The following SUPT16H variants were observed in gnomAD, a reference collection of about 807,000 sequenced individuals.
The protein encoded by SUPT16H is FACT complex subunit SPT16.
A neutral mutation model predicts 136.2 loss-of-function variants in SUPT16H; 24 were observed. That is an observed-to-expected ratio of 0.18 (90% confidence interval 0.13 to 0.25). SUPT16H has a LOEUF of 0.25. Among genes scored for constraint, SUPT16H ranks in the 10% least tolerant of loss-of-function variants. The pLI, the probability that SUPT16H is intolerant of heterozygous loss-of-function variation, is 1.00. For missense variants in SUPT16H, 623 were observed against 1,270.2 expected (o/e 0.49, Z 7.74); for synonymous variants, 415 against 428.2 (o/e 0.97, Z 0.38).
Position 21,352,376 on chromosome 14 carries a change from CT to C in SUPT16H, c.*296del. The C allele has an allele frequency of 2.6e-6, 1 of 378,636 alleles. No individual in the cohort carries two copies. The highest frequency in any genetic ancestry group is 5.4e-5 in the East Asian group (1 of 18,660). The allele number at this position is 378,636 out of a possible 1,614,324, so 23.5% of individuals were successfully genotyped here. A position where few individuals can be genotyped will look rare whatever the true frequency, so the allele number is the denominator to read the frequency against. On this transcript the variant is annotated 3_prime_UTR_variant, in exon 26 of 26. Coordinates refer to ENST00000216297, the MANE Select transcript of SUPT16H (RefSeq NM_007192.4). ...ATAAGATGTCAGAAGCCATCAATGT[CT>C]TGGCAGAAGGTGACAGGAAGAGAGA... is the stretch of plus-strand genomic sequence containing the variant.
chr14:21,353,446 G>C (rs1886366141), intron 25 of SUPT16H, 42 bp downstream of exon 25: 1 of 1,571,902 alleles, frequency 6.4e-7, no homozygotes, highest in East Asian at 2.2e-5. Context: ...TTAGAAATTT[G>C]TGCGTAGACA....
chr14:21,365,983 T>A (rs1207761235), intron 8 of SUPT16H, among the ~76,000 whole-genome samples: 2 of 152,024 alleles, frequency 1.3e-5, no homozygotes, highest in Admixed American at 6.6e-5. Flanking sequence ...CGTGCCTTGG[T>A]CCCAGTTATT....
intron 25 of SUPT16H, among the ~76,000 whole-genome samples, chr14:21,353,251 T>C (rs1341317795): frequency 1.3e-5 from 2 of 152,186 alleles, no homozygotes; most frequent in Non-Finnish European, 2.9e-5. Context: ...GATGGGGGCT[T>C]GCGCAGATGA....
In SUPT16H at chr14:21,369,662, G is replaced by A; in HGVS notation, c.630+88C>T. ...TTAAGTGTCAGTCTTAATTTCAAAG[G>A]AAGCTGAAGAACACACCAACAGATT... On this transcript the variant is annotated intron_variant, in intron 5 of 25. Coordinates refer to ENST00000216297, the MANE Select transcript of SUPT16H (RefSeq NM_007192.4). 4.6e-6 allele frequency: 7 copies of A among 1,514,264 alleles called. No individual in the cohort carries two copies. In the South Asian group the frequency reaches 7.3e-5, roughly 16 times the overall value. 93.8% of individuals were successfully genotyped at this position (1,514,264 alleles called of 1,614,324 possible). A position where few individuals can be genotyped will look rare whatever the true frequency, so the allele number is the denominator to read the frequency against.
intron 1 of SUPT16H, among the ~76,000 whole-genome samples, chr14:21,382,456 G>C (rs562527961): frequency 6.6e-6 from 1 of 152,338 alleles, no homozygotes; most frequent in Admixed American, 6.5e-5. Flanking sequence ...TGTAGAGGAA[G>C]TGAGAGCTAT....
At chr14:21,373,516 A>T in intron 1 of SUPT16H, 86 bp from the exon 2 acceptor site, 7 of 991,454 alleles carry the variant, frequency 7.1e-6, no homozygotes, top group Non-Finnish European at 1.1e-5. Flanking sequence ...GACAGGCATA[A>T]TTTTCTCCTG....
intron 5 of SUPT16H, 96 bp downstream of exon 5, chr14:21,369,654 T>C (rs1886744890): frequency 6.7e-7 from 1 of 1,491,514 alleles, no homozygotes; most frequent in Non-Finnish European, 9.2e-7. Flanking sequence ...TCAGTCTTAA[T>C]TTCAAAGGAA....
At chr14:21,362,456 A>G (rs1594301408) in intron 14 of SUPT16H, 132 bp from the exon 15 acceptor site, 3 of 897,936 alleles carry the variant, frequency 3.3e-6, no homozygotes, top group South Asian at 2.4e-5. Context: ...ATAAATTTAC[A>G]TAATTTATCT....
At chr14:21,368,478 A>G (rs1445748755) in intron 6 of SUPT16H, 37 bp from the exon 7 acceptor site, 5 of 1,570,800 alleles carry the variant, frequency 3.2e-6, no homozygotes, top group Non-Finnish European at 3.5e-6. Context: ...TTTCATTACC[A>G]AAACTAGCAA....
chr14:21,379,495 T>TA (rs1024896017), intron 1 of SUPT16H, among the ~76,000 whole-genome samples: 2 of 151,362 alleles, frequency 1.3e-5, no homozygotes, highest in African/African-American at 2.4e-5. Context: ...AAGCAATATT[T>TA]AAAAAAAAAT....
intron 18 of SUPT16H, 54 bp downstream of exon 18, chr14:21,360,361 T>A (rs927412): frequency 0.93 from 1,205,561 of 1,300,330 alleles, 559,904 homozygotes; most frequent in African/African-American, 0.95. Context: ...AGAAGCTGAG[T>A]GAAATGAAGT....
At chr14:21,353,619 CAG>C (rs1288968567) in intron 24 of SUPT16H, 54 bp from the exon 25 acceptor site, 1 of 1,606,252 alleles carries the variant, frequency 6.2e-7, no homozygotes, top group Non-Finnish European at 8.5e-7. Context: ...AATGGAACGA[CAG>C]AGTTCTTAGT....
At chr14:21,361,368 G>A in intron 15 of SUPT16H, 155 bp from the exon 16 acceptor site, 1 of 896,124 alleles carries the variant, frequency 1.1e-6, no homozygotes, top group Non-Finnish European at 1.7e-6. Context: ...CCAGGCTGGA[G>A]TGCAGTGGCC....
At position 21,351,578 on chromosome 14, in the gene SUPT16H, C is replaced by A; in HGVS notation, c.*1095G>T. On this transcript the variant is annotated 3_prime_UTR_variant, in exon 26 of 26. Transcript: ENST00000216297. ...CTGCTAAGGAGAAAAAACAAACAAACATAAAATCCGGGACCCCTCCCCCCT... is the reference window on the plus strand; with the variant it reads ...CTGCTAAGGAGAAAAAACAAACAAAAATAAAATCCGGGACCCCTCCCCCCT... 5.9e-6 allele frequency: 1 copy of A among 170,190 alleles called. No homozygotes were observed. The highest frequency in any genetic ancestry group is 1.3e-5 in the Non-Finnish European group (1 of 79,782). The allele number at this position is 170,190 out of a possible 1,614,324, so 10.5% of individuals were successfully genotyped here.
intron 15 of SUPT16H, 97 bp from the exon 16 acceptor site, chr14:21,361,310 GC>G: frequency 8.2e-6 from 7 of 853,280 alleles, no homozygotes; most frequent in Admixed American, 6.9e-5. Context: ...TCTCTACTTT[GC>G]TTTTTTTTTT....
chr14:21,366,336 T>TA, intron 8 of SUPT16H, 103 bp downstream of exon 8: 1 of 1,084,208 alleles, frequency 9.2e-7, no homozygotes, highest in South Asian at 1.4e-5. Flanking sequence ...TGCTAGTCCA[T>TA]AAATGTTGGC....
intron 1 of SUPT16H, chr14:21,383,535 A>G (rs1442886583): frequency 7.6e-6 from 5 of 660,216 alleles, no homozygotes; most frequent in African/African-American, 3.6e-5. Flanking sequence ...ACGGCAGGGG[A>G]GGGCAGCAAG....
At chr14:21,373,843 TCAGCCTCCCCAGTAG>T (rs2139415221) in intron 1 of SUPT16H, among the ~76,000 whole-genome samples, 1 of 152,288 alleles carries the variant, frequency 6.6e-6, no homozygotes, top group East Asian at 1.9e-4. Flanking sequence ...TTCTCCTGCC[TCAGCCTCCCCAGTAG>T]CTAGGATTAC....
At chr14:21,380,837 G>A (rs1887007207) in intron 1 of SUPT16H, among the ~76,000 whole-genome samples, 1 of 151,898 alleles carries the variant, frequency 6.6e-6, no homozygotes, top group Non-Finnish European at 1.5e-5. Context: ...CCCTGGGATG[G>A]TAGATAACCT....
Sources: allele counts gnomAD v4.1 joint callset (sites outside exome capture counted in the v4.1 genomes callset), GRCh38; gene constraint gnomAD v4.1.1; transcripts MANE v1.5; gene names NCBI Gene and HGNC (gene_info 2026-07-23, HGNC 2026-07-21).